Variants in GUCY1A2 observed in about 807,000 individuals in gnomAD.
GUCY1A2 encodes the protein guanylate cyclase soluble subunit alpha-2.
GUCY1A2 carries 27 observed loss-of-function variants against 63.5 expected under a neutral mutation model. That is an observed-to-expected ratio of 0.43 (90% CI 0.31 to 0.59). GUCY1A2 has a LOEUF of 0.59. Among genes scored for constraint, GUCY1A2 ranks in the 20% least tolerant of loss-of-function variants. The probability of loss-of-function intolerance (pLI) is 0.11; values close to 1 mark genes in which losing one functional copy is unlikely to be tolerated. For missense variants in GUCY1A2, 768 were observed against 913.3 expected (o/e 0.84, Z 2.05); for synonymous variants, 364 against 343.5 (o/e 1.06, Z -0.66).
intron 1 of GUCY1A2, among the ~76,000 whole-genome samples, chr11:106,995,109 C>G (rs1861518380): frequency 6.6e-6 from 1 of 152,064 alleles, no homozygotes; most frequent in Non-Finnish European, 1.5e-5. Flanking sequence ...TCTTAAAGCC[C>G]AAAACCAAAC....
At chr11:106,942,645 T>C (rs1302163725) in intron 3 of GUCY1A2, among the ~76,000 whole-genome samples, 1 of 152,218 alleles carries the variant, frequency 6.6e-6, no homozygotes, top group East Asian at 1.9e-4. Flanking sequence ...AGAGAAGTTC[T>C]TCTAACTTGC....
intron 4 of GUCY1A2, among the ~76,000 whole-genome samples, chr11:106,903,605 A>T (rs1860163808): frequency 2.0e-5 from 3 of 152,186 alleles, no homozygotes; most frequent in Admixed American, 2.0e-4. Context: ...TCTGGTTTCA[A>T]ATTGCTAGAT....
chr11:106,862,660 T>C (rs1434605875), intron 4 of GUCY1A2, among the ~76,000 whole-genome samples: 1 of 152,006 alleles, frequency 6.6e-6, no homozygotes, highest in Non-Finnish European at 1.5e-5. Context: ...TGAACCGTTT[T>C]TGCTAGATTA....
chr11:107,003,280 T>C (rs367945036), intron 1 of GUCY1A2, among the ~76,000 whole-genome samples: 4 of 152,250 alleles, frequency 2.6e-5, no homozygotes, highest in African/African-American at 9.6e-5. Context: ...GCAACCTCAA[T>C]CATACTGGAT....
At chr11:106,821,775 T>C (rs947858024) in intron 4 of GUCY1A2, among the ~76,000 whole-genome samples, 2 of 152,170 alleles carry the variant, frequency 1.3e-5, no homozygotes, top group African/African-American at 4.8e-5. Flanking sequence ...CACAGAATAT[T>C]CTGATAAAGC....
chr11:106,936,884 T>C (rs979072285), intron 4 of GUCY1A2, among the ~76,000 whole-genome samples: 7 of 152,176 alleles, frequency 4.6e-5, no homozygotes, highest in Non-Finnish European at 7.3e-5. Context: ...TCAGACATCA[T>C]AGAGGTATAC....
intron 4 of GUCY1A2, among the ~76,000 whole-genome samples, chr11:106,881,644 A>G (rs941731710): frequency 6.6e-6 from 1 of 152,038 alleles, no homozygotes; most frequent in Admixed American, 6.6e-5. Flanking sequence ...AATGTCACCT[A>G]TGCTACATTC....
At chr11:106,875,091 G>GT (rs1341846020) in intron 4 of GUCY1A2, among the ~76,000 whole-genome samples, 7 of 152,024 alleles carry the variant, frequency 4.6e-5, no homozygotes, top group African/African-American at 1.7e-4. Flanking sequence ...TATCAACCAG[G>GT]TTTTTGTCCC....
At chr11:106,829,866 G>A (rs930309197) in intron 4 of GUCY1A2, among the ~76,000 whole-genome samples, 3 of 152,160 alleles carry the variant, frequency 2.0e-5, no homozygotes, top group Non-Finnish European at 4.4e-5. Flanking sequence ...ACACAATCCA[G>A]GCAGGACTAC....
intron 4 of GUCY1A2, chr11:106,824,064 A>G: frequency 6.8e-7 from 1 of 1,470,690 alleles, no homozygotes; most frequent in Admixed American, 2.2e-5. Context: ...AGAAGACTAC[A>G]GTTTTACAGC....
chr11:106,864,992 G>T (rs1859571259), intron 4 of GUCY1A2, among the ~76,000 whole-genome samples: 1 of 152,042 alleles, frequency 6.6e-6, no homozygotes, highest in Non-Finnish European at 1.5e-5. Context: ...AGAAGGAATG[G>T]TATCAGCTCC....
chr11:106,899,259 A>G (rs1258893222), intron 4 of GUCY1A2, among the ~76,000 whole-genome samples: 1 of 152,230 alleles, frequency 6.6e-6, no homozygotes, highest in Non-Finnish European at 1.5e-5. Flanking sequence ...AAATCAATCC[A>G]TACAATGAAA....
intron 5 of GUCY1A2, among the ~76,000 whole-genome samples, chr11:106,799,564 C>T (rs1296530917): frequency 6.6e-6 from 1 of 152,080 alleles, no homozygotes; most frequent in African/African-American, 2.4e-5. Flanking sequence ...TGGTACAGAA[C>T]AGAGTTCTCA....
intron 4 of GUCY1A2, among the ~76,000 whole-genome samples, chr11:106,811,978 C>CA (rs1200572412): frequency 6.6e-6 from 1 of 151,908 alleles, no homozygotes; most frequent in Admixed American, 6.6e-5. Flanking sequence ...AATAGGCTCT[C>CA]AAAATACTAC....
chr11:106,863,432 A>C (rs1859542267), intron 4 of GUCY1A2, among the ~76,000 whole-genome samples: 2 of 152,144 alleles, frequency 1.3e-5, no homozygotes. Flanking sequence ...CAGGTTTGTC[A>C]AAGATCAGAT....
chr11:106,791,864 C>T (rs946117705), intron 5 of GUCY1A2, among the ~76,000 whole-genome samples: 11 of 152,148 alleles, frequency 7.2e-5, no homozygotes, highest in African/African-American at 1.7e-4. Context: ...AACTCATTTA[C>T]GTTTCATACC....
At chr11:106,877,559 T>C (rs969811711) in intron 4 of GUCY1A2, among the ~76,000 whole-genome samples, 3 of 151,928 alleles carry the variant, frequency 2.0e-5, no homozygotes, top group African/African-American at 4.8e-5. Flanking sequence ...GGTACTGGGA[T>C]AACTGGCTAC....
chr11:106,749,226 T>C (rs186778865), intron 6 of GUCY1A2, among the ~76,000 whole-genome samples: 1 of 152,178 alleles, frequency 6.6e-6, no homozygotes, highest in African/African-American at 2.4e-5. Flanking sequence ...TCTGTGACAT[T>C]TGCATAATGA....
intron 1 of GUCY1A2, among the ~76,000 whole-genome samples, chr11:107,007,475 T>C (rs528300482): frequency 1.3e-5 from 2 of 152,338 alleles, no homozygotes; most frequent in South Asian, 2.1e-4. Flanking sequence ...CTCCAGCGGA[T>C]TGTCCCCAAA....
Sources: gnomAD v4.1 joint callset for allele counts (sites outside exome capture counted in the v4.1 genomes callset) on GRCh38, gnomAD v4.1.1 for gene constraint, MANE v1.5 for transcripts, NCBI Gene and HGNC (gene_info 2026-07-23, HGNC 2026-07-21) for gene names.